Variants in NCAM2 observed in about 807,000 individuals in gnomAD.
NCAM2 encodes the protein neural cell adhesion molecule 2.
Under a neutral mutation model 98.1 loss-of-function variants are expected in NCAM2, and 30 were observed. That is an observed-to-expected ratio of 0.31 (90% CI 0.23 to 0.41). NCAM2 has a LOEUF of 0.41. NCAM2 is among the 10% of genes least tolerant of loss of function. NCAM2 has a pLI of 1.00. For synonymous variants in NCAM2, 368 were observed against 342.4 expected (o/e 1.07, Z -0.83); for missense variants, 867 against 1,005.8 (o/e 0.86, Z 1.87).
intron 1 of NCAM2, among the ~76,000 whole-genome samples, chr21:21,222,251 G>A (rs1261195480): frequency 6.6e-6 from 1 of 152,128 alleles, no homozygotes; most frequent in Admixed American, 6.6e-5. Flanking sequence ...TTGTTTTCAT[G>A]CCTGCTAAAA....
At chr21:21,467,445 T>TTTA in intron 13 of NCAM2, among the ~76,000 whole-genome samples, 1 of 148,760 alleles carries the variant, frequency 6.7e-6, no homozygotes, top group Non-Finnish European at 1.5e-5. Flanking sequence ...TATATATATG[T>TTTA]TAGGACAGTC....
intron 5 of NCAM2, among the ~76,000 whole-genome samples, chr21:21,299,975 A>G (rs2073649424): frequency 6.6e-6 from 1 of 152,016 alleles, no homozygotes; most frequent in South Asian, 2.1e-4. Flanking sequence ...ATAATACTTA[A>G]TACATTGTAG....
intron 1 of NCAM2, among the ~76,000 whole-genome samples, chr21:21,025,675 A>G (rs1425158657): frequency 6.6e-6 from 1 of 152,048 alleles, no homozygotes; most frequent in Non-Finnish European, 1.5e-5. Flanking sequence ...CATTTTTTTC[A>G]CAAAGAGGAG....
chr21:21,201,428 G>A (rs1413012556), intron 1 of NCAM2, among the ~76,000 whole-genome samples: 1 of 152,130 alleles, frequency 6.6e-6, no homozygotes, highest in African/African-American at 2.4e-5. Context: ...TTTACATCCT[G>A]GGAATCCCAG....
intron 1 of NCAM2, among the ~76,000 whole-genome samples, chr21:21,085,524 C>T (rs1474435797): frequency 1.3e-5 from 2 of 152,098 alleles, no homozygotes; most frequent in Non-Finnish European, 2.9e-5. Context: ...GCTCATGAGC[C>T]AAAGGCTGCT....
At chr21:20,998,681 A>C in intron 1 of NCAM2, 63 bp downstream of exon 1, 2 of 1,450,554 alleles carry the variant, frequency 1.4e-6, no homozygotes, top group Non-Finnish European at 1.9e-6. Context: ...CAAGAGAGGC[A>C]AAGAGGGAGG....
chr21:21,408,636 A>G (rs779919977), intron 9 of NCAM2, among the ~76,000 whole-genome samples: 9 of 152,148 alleles, frequency 5.9e-5, no homozygotes, highest in Non-Finnish European at 1.2e-4. Context: ...GACGTTGGTT[A>G]AAATAGCCCT....
Position 21,541,930 on chromosome 21 carries a change from C to A in NCAM2, c.*3973C>A, listed in dbSNP as rs1198056846. On this transcript the variant is annotated 3_prime_UTR_variant, in exon 18 of 18. Coordinates refer to ENST00000400546, the MANE Select transcript of NCAM2 (RefSeq NM_004540.5). ...AAGTTTGTTAGCATTATTTATTTATCTTTAGAGAGAAAATATTTGCATCTG... is the reference window on the plus strand; with the variant it reads ...AAGTTTGTTAGCATTATTTATTTATATTTAGAGAGAAAATATTTGCATCTG... 1.3e-5 allele frequency: 2 copies of A among 151,562 alleles called. No individual in the cohort carries two copies. The highest frequency in any genetic ancestry group is 2.4e-5 in the African/African-American group (1 of 41,322). 9.4% of individuals were successfully genotyped at this position (151,562 alleles called of 1,614,324 possible).
intron 16 of NCAM2, among the ~76,000 whole-genome samples, chr21:21,529,990 A>G (rs1989535548): frequency 6.7e-6 from 1 of 149,408 alleles, no homozygotes; most frequent in Non-Finnish European, 1.5e-5. Context: ...CGTTTCCATA[A>G]GTAACCAAAT....
intron 10 of NCAM2, among the ~76,000 whole-genome samples, chr21:21,418,210 G>A (rs895257889): frequency 2.0e-5 from 3 of 151,868 alleles, no homozygotes; most frequent in Non-Finnish European, 2.9e-5. Context: ...TAGATACATC[G>A]AAGTGGTGCC....
At chr21:21,288,588 T>C (rs1489560621) in intron 4 of NCAM2, among the ~76,000 whole-genome samples, 1 of 151,646 alleles carries the variant, frequency 6.6e-6, no homozygotes, top group Non-Finnish European at 1.5e-5. Flanking sequence ...AGGACACACT[T>C]TTCTAACCTT....
At chr21:21,412,767 T>A (rs750710443) in intron 10 of NCAM2, among the ~76,000 whole-genome samples, 46 of 152,160 alleles carry the variant, frequency 3.0e-4, no homozygotes, top group Admixed American at 9.8e-4. Context: ...AAAATATAAA[T>A]GTGTGATTAA....
chr21:21,441,933 G>A (rs1399505345), intron 12 of NCAM2, among the ~76,000 whole-genome samples: 1 of 152,162 alleles, frequency 6.6e-6, no homozygotes, highest in Non-Finnish European at 1.5e-5. Context: ...TGACCTGGCA[G>A]TACTGACATC....
intron 1 of NCAM2, among the ~76,000 whole-genome samples, chr21:21,002,452 A>G (rs1038350660): frequency 1.3e-5 from 2 of 152,170 alleles, no homozygotes; most frequent in Admixed American, 6.5e-5. Flanking sequence ...GTTTGCAATG[A>G]AACTGAGAAA....
At chr21:21,499,201 G>A (rs1013146130) in intron 15 of NCAM2, among the ~76,000 whole-genome samples, 10 of 152,186 alleles carry the variant, frequency 6.6e-5, no homozygotes, top group African/African-American at 2.4e-4. Flanking sequence ...ATGATCTGAA[G>A]CCTTAAGCCT....
At chr21:21,147,215 G>T (rs908991841) in intron 1 of NCAM2, 2 of 975,682 alleles carry the variant, frequency 2.0e-6, no homozygotes, top group Non-Finnish European at 2.4e-6. Context: ...CTCTGCCTCC[G>T]CAGTTCTTAG....
At chr21:21,143,411 T>C (rs1220779530) in intron 1 of NCAM2, among the ~76,000 whole-genome samples, 3 of 152,236 alleles carry the variant, frequency 2.0e-5, no homozygotes, top group Non-Finnish European at 4.4e-5. Flanking sequence ...TTACTTGTGG[T>C]GTCCTTTGCC....
At chr21:21,063,067 C>T (rs1316317523) in intron 1 of NCAM2, among the ~76,000 whole-genome samples, 1 of 152,100 alleles carries the variant, frequency 6.6e-6, no homozygotes, top group African/African-American at 2.4e-5. Context: ...AGTACAAAGT[C>T]CATCTTACCT....
chr21:21,301,434 T>G (rs185640455), intron 5 of NCAM2, among the ~76,000 whole-genome samples: 4,260 of 148,712 alleles, frequency 0.029, 86 homozygotes, highest in Non-Finnish European at 0.041. Flanking sequence ...GTGCACATTG[T>G]GCAGGTTAGT....
Sources: gnomAD v4.1 joint callset for allele counts (sites outside exome capture counted in the v4.1 genomes callset) on GRCh38, gnomAD v4.1.1 for gene constraint, MANE v1.5 for transcripts, NCBI Gene and HGNC (gene_info 2026-07-23, HGNC 2026-07-21) for gene names.